The following TMEM132B variants were observed in gnomAD, a reference collection of about 807,000 sequenced individuals.
TMEM132B encodes the protein transmembrane protein 132B.
In TMEM132B, 18 loss-of-function variants were observed where a neutral mutation model predicts 90.8. That is an observed-to-expected ratio of 0.20 (90% CI 0.14 to 0.29). TMEM132B has a LOEUF of 0.29. Ranked by LOEUF, TMEM132B falls within the 10% of genes least tolerant of loss-of-function variation. The pLI, the probability that TMEM132B is intolerant of heterozygous loss-of-function variation, is 1.00. For synonymous variants in TMEM132B, 504 were observed against 523.3 expected (o/e 0.96, Z 0.50); for missense variants, 1,096 against 1,326.8 (o/e 0.83, Z 2.70).
At chr12:125,647,471 G>T (rs1348949734) in intron 6 of TMEM132B, among the ~76,000 whole-genome samples, 1 of 152,208 alleles carries the variant, frequency 6.6e-6, no homozygotes, top group African/African-American at 2.4e-5. Flanking sequence ...TCCAGAGAGA[G>T]GTTATACCAA....
At chr12:125,455,761 G>A (rs1881277096) in intron 3 of TMEM132B, among the ~76,000 whole-genome samples, 1 of 151,760 alleles carries the variant, frequency 6.6e-6, no homozygotes. Context: ...CCTTGTGGTT[G>A]GGTGGAGCCA....
intron 1 of TMEM132B, among the ~76,000 whole-genome samples, chr12:125,255,702 TTTTA>T (rs1874424378): frequency 6.6e-6 from 1 of 152,092 alleles, no homozygotes; most frequent in South Asian, 2.1e-4. Context: ...TCTCTTAAAA[TTTTA>T]TTTATTTATT....
chr12:125,388,147 C>T (rs556470568), intron 2 of TMEM132B, among the ~76,000 whole-genome samples: 2 of 152,158 alleles, frequency 1.3e-5, no homozygotes, highest in East Asian at 3.9e-4. Flanking sequence ...CCTATTGTCG[C>T]CCGGGTGCTG....
At chr12:125,214,749 C>A (rs988496447) in intron 1 of TMEM132B, among the ~76,000 whole-genome samples, 3 of 152,200 alleles carry the variant, frequency 2.0e-5, no homozygotes, top group Admixed American at 1.3e-4. Context: ...TATTCTCCAC[C>A]CTTCCTTGCC....
chr12:125,629,585 C>G (rs537761877), intron 5 of TMEM132B, among the ~76,000 whole-genome samples: 1 of 152,112 alleles, frequency 6.6e-6, no homozygotes, highest in African/African-American at 2.4e-5. Flanking sequence ...AATCTGCAAC[C>G]AAGGATAATT....
Position 125,354,839 on chromosome 12 carries a change from G to A in TMEM132B, c.959+4496G>A, listed in dbSNP as rs190360745. Among the ~76,000 whole-genome samples the A allele has an allele frequency of 5.3e-3, 812 of 152,250 alleles. 7 individuals are homozygous for A. The highest frequency in any genetic ancestry group is 8.0e-3 in the Non-Finnish European group (546 of 68,028). On this transcript the variant is annotated intron_variant, in intron 2 of 8. Coordinates refer to ENST00000682704, the MANE Select transcript of TMEM132B (RefSeq NM_001366854.1). ...TTAATTCATACTTTTAAATTATCAT[G>A]TGTACTTGTCCCAGGTTCTGCATTT...
At chr12:125,381,055 A>G (rs987508760) in intron 2 of TMEM132B, among the ~76,000 whole-genome samples, 1 of 152,144 alleles carries the variant, frequency 6.6e-6, no homozygotes, top group African/African-American at 2.4e-5. Context: ...GAAGACACCA[A>G]ATTTGTGTTG....
chr12:125,633,570 G>A (rs1886414553), intron 5 of TMEM132B, among the ~76,000 whole-genome samples: 1 of 152,188 alleles, frequency 6.6e-6, no homozygotes, highest in Non-Finnish European at 1.5e-5. Flanking sequence ...TTCTTTTTGG[G>A]AAGGCTTTCC....
At chr12:125,302,775 A>C (rs1481586522) in intron 1 of TMEM132B, among the ~76,000 whole-genome samples, 2 of 152,174 alleles carry the variant, frequency 1.3e-5, no homozygotes, top group Non-Finnish European at 2.9e-5. Context: ...TAGTTCCAAA[A>C]TTTTTAATCA....
intron 2 of TMEM132B, among the ~76,000 whole-genome samples, chr12:125,387,150 G>A (rs1878861419): frequency 6.6e-6 from 1 of 151,584 alleles, no homozygotes; most frequent in Non-Finnish European, 1.5e-5. Flanking sequence ...TTTTTCTGGG[G>A]GTGGGGCGGG....
At chr12:125,367,559 C>T (rs185236219) in intron 2 of TMEM132B, among the ~76,000 whole-genome samples, 12 of 152,268 alleles carry the variant, frequency 7.9e-5, no homozygotes, top group African/African-American at 2.6e-4. Flanking sequence ...TCCTGTGGTT[C>T]CCTACCTCCC....
chr12:125,390,000 G>A (rs1032983942), intron 2 of TMEM132B, among the ~76,000 whole-genome samples: 10 of 152,160 alleles, frequency 6.6e-5, no homozygotes, highest in Non-Finnish European at 2.9e-5. Context: ...TTCAAGAATC[G>A]TAATGTGACC....
At chr12:125,542,986 A>G (rs1013602278) in intron 4 of TMEM132B, among the ~76,000 whole-genome samples, 2 of 152,224 alleles carry the variant, frequency 1.3e-5, no homozygotes, top group East Asian at 1.9e-4. Context: ...TGAGAAATGC[A>G]TATTTCAGAT....
chr12:125,494,822 TCCTCC>T (rs1397452599), intron 3 of TMEM132B, among the ~76,000 whole-genome samples: 5 of 2,598 alleles, frequency 1.9e-3, no homozygotes, highest in Non-Finnish European at 2.2e-3. Context: ...GCTGCATCCC[TCCTCC>T]CCCTCCTCCC....
intron 5 of TMEM132B, among the ~76,000 whole-genome samples, chr12:125,631,678 C>G (rs894189030): frequency 1.3e-5 from 2 of 152,100 alleles, no homozygotes; most frequent in East Asian, 3.8e-4. Context: ...GTGTTGGGAG[C>G]ATATTTAGTT....
At chr12:125,245,888 A>G (rs972627244) in intron 1 of TMEM132B, among the ~76,000 whole-genome samples, 4 of 152,192 alleles carry the variant, frequency 2.6e-5, no homozygotes, top group Non-Finnish European at 5.9e-5. Context: ...TCCAGGGTCC[A>G]GGCTCTGAAA....
chr12:125,578,334 C>A lies in TMEM132B; in HGVS notation c.1294-5517C>A, dbSNP rs191827222. Among the ~76,000 whole-genome samples the A allele has an allele frequency of 9.4e-4, 143 of 152,210 alleles. 1 individual carries two copies. Among genetic ancestry groups the A allele is most frequent in the African/African-American group, 3.3e-3 (138 of 41,578 alleles). ...TGTTATATTTTCTTGTTGATTGACT[C>A]ATTTTATACAACATTCATCTTTGTG... On this transcript the variant is annotated intron_variant, in intron 4 of 8. Coordinates refer to ENST00000682704, the MANE Select transcript of TMEM132B (RefSeq NM_001366854.1).
intron 5 of TMEM132B, among the ~76,000 whole-genome samples, chr12:125,617,969 T>C (rs1886031442): frequency 6.8e-6 from 1 of 146,212 alleles, no homozygotes; most frequent in African/African-American, 2.6e-5. Context: ...AAAAAAAAAC[T>C]CCATTATTTT....
chr12:125,561,373 G>T (rs908857399), intron 4 of TMEM132B, among the ~76,000 whole-genome samples: 1 of 151,984 alleles, frequency 6.6e-6, no homozygotes, highest in African/African-American at 2.4e-5. Context: ...GCCTGTCAGG[G>T]GGTAGGGGGC....
Sources: allele counts gnomAD v4.1 joint callset (sites outside exome capture counted in the v4.1 genomes callset), GRCh38; gene constraint gnomAD v4.1.1; transcripts MANE v1.5; gene names NCBI Gene and HGNC (gene_info 2026-07-23, HGNC 2026-07-21).